The following INTS6 variants were observed in gnomAD, a reference collection of about 807,000 sequenced individuals.
The protein encoded by INTS6 is DEAD box protein.
Under a neutral mutation model 104.9 loss-of-function variants are expected in INTS6, and 16 were observed. The observed-to-expected ratio is 0.15, with a 90% CI of 0.10 to 0.23. The LOEUF (loss-of-function observed/expected upper bound fraction) is 0.23, where lower values mean the gene tolerates loss of function less well. Ranked by LOEUF, INTS6 falls within the 10% of genes least tolerant of loss-of-function variation. INTS6 has a pLI of 1.00. For missense variants in INTS6, 584 were observed against 1,062.8 expected (o/e 0.55, Z 6.26); for synonymous variants, 324 against 358.7 (o/e 0.90, Z 1.09).
At chr13:51,336,593 A>C in the INTS6 span, among the ~76,000 whole-genome samples, 1 of 152,242 alleles carries the variant, frequency 6.6e-6, no homozygotes, top group Non-Finnish European at 1.5e-5. Flanking sequence ...TTATGTGAGC[A>C]TGAAAGGACC....
chr13:51,409,632 A>C (rs1379547092), intron 4 of INTS6, among the ~76,000 whole-genome samples: 1 of 151,830 alleles, frequency 6.6e-6, no homozygotes, highest in Admixed American at 6.6e-5. Context: ...CTAATTCATC[A>C]TAGGTAGTAT....
intron 3 of INTS6, among the ~76,000 whole-genome samples, chr13:51,355,482 CCTG>C (rs1955467543): frequency 6.6e-6 from 1 of 152,140 alleles, no homozygotes; most frequent in Non-Finnish European, 1.5e-5. Flanking sequence ...ATTATGACCT[CCTG>C]CTGTCCCATC....
rs141573619 is a variant in INTS6, at chr13:51,430,386, A to G, written c.340-3T>C. On this transcript the variant is annotated splice_polypyrimidine_tract_variant and splice_region_variant and intron_variant, in intron 3 of 17. Coordinates refer to ENST00000311234, the MANE Select transcript of INTS6 (RefSeq NM_012141.3). Reference sequence around the variant, plus strand: ...TCCAAGAAAAAAGGGTTTCTTCCCTAAAGTCAAAAAACACATTGATCATAC... The same window carrying G: ...TCCAAGAAAAAAGGGTTTCTTCCCTGAAGTCAAAAAACACATTGATCATAC... 1.7e-4 allele frequency: 275 copies of G among 1,605,270 alleles called. 3 individuals are homozygous for G. The East Asian group carries it at 5.0e-3, about 29-fold the overall frequency.
chr13:51,421,762 A>C (rs1168817916), intron 4 of INTS6, among the ~76,000 whole-genome samples: 6 of 152,154 alleles, frequency 3.9e-5, no homozygotes, highest in Non-Finnish European at 1.5e-5. Context: ...TGAAACACCC[A>C]AATAGGCTAA....
the INTS6 span, among the ~76,000 whole-genome samples, chr13:51,343,305 C>T: frequency 1.3e-5 from 2 of 152,212 alleles, no homozygotes; most frequent in South Asian, 4.1e-4. Context: ...AAGGGGGCTT[C>T]ACTTCTGGAA....
intron 4 of INTS6, among the ~76,000 whole-genome samples, chr13:51,414,717 G>A (rs1025565771): frequency 9.9e-5 from 15 of 151,914 alleles, no homozygotes; most frequent in South Asian, 6.2e-4. Flanking sequence ...TAATACAGCC[G>A]CAGGTCCTAT....
At position 51,430,089 on chromosome 13, in the gene INTS6, A is replaced by G. The variant is rs1159024149; in HGVS notation, c.429+205T>C. 1.1e-5 allele frequency: 5 copies of G among 456,674 alleles called. No homozygotes were observed. The East Asian group carries it at 1.7e-4, about 16-fold the overall frequency. 28.3% of individuals were successfully genotyped at this position (456,674 alleles called of 1,614,324 possible). A position where few individuals can be genotyped will look rare whatever the true frequency, so the allele number is the denominator to read the frequency against. On this transcript the variant is annotated intron_variant, in intron 4 of 17. Coordinates refer to ENST00000311234, the MANE Select transcript of INTS6 (RefSeq NM_012141.3). The stretch of plus-strand genomic sequence containing the variant: ...TTACACATACAAATGAGGTGTGGGT[A>G]TGCTCAAACATTTCTCACAGAAGAG...
the INTS6 span, among the ~76,000 whole-genome samples, chr13:51,342,105 G>A: frequency 7.1e-6 from 1 of 140,956 alleles, no homozygotes; most frequent in Admixed American, 7.8e-5. Context: ...ACCAACTCCA[G>A]CTAAAACAGA....
chr13:51,344,301 C>G, the INTS6 span: 1 of 1,613,988 alleles, frequency 6.2e-7, no homozygotes, highest in Non-Finnish European at 8.5e-7. Context: ...CACTACCCAC[C>G]TCCAGCCAAG....
chr13:51,406,900 T>A (rs992691755), intron 4 of INTS6, among the ~76,000 whole-genome samples: 317 of 117,466 alleles, frequency 2.7e-3, no homozygotes, highest in African/African-American at 0.011. Flanking sequence ...TTTTTTGTGA[T>A]TTTTTTTTTT....
At chr13:51,414,833 T>TACACACACACACACACAC (rs151197136) in intron 4 of INTS6, among the ~76,000 whole-genome samples, 5 of 143,046 alleles carry the variant, frequency 3.5e-5, no homozygotes, top group African/African-American at 1.0e-4. Flanking sequence ...AGTTCTTCTA[T>TACACACACACACACACAC]ACACACACAC....
chr13:51,452,928 G>A lies in INTS6; in HGVS notation c.-403C>T, dbSNP rs1953097740. 6.5e-6 allele frequency: 7 copies of A among 1,074,268 alleles called. No homozygotes were observed. Among genetic ancestry groups the A allele is most frequent in the Non-Finnish European group, 1.1e-6 (1 of 883,752 alleles). 66.5% of individuals were successfully genotyped at this position (1,074,268 alleles called of 1,614,324 possible). A position where few individuals can be genotyped will look rare whatever the true frequency, so the allele number is the denominator to read the frequency against. ...GGGGACCTGGGAGCTGGCGAAGAGGGGAGTGGGCTGAGGGAAGATTGGCCC... is the reference window on the plus strand; with the variant it reads ...GGGGACCTGGGAGCTGGCGAAGAGGAGAGTGGGCTGAGGGAAGATTGGCCC... On this transcript the variant is annotated 5_prime_UTR_variant, in exon 1 of 18. Coordinates refer to ENST00000311234, the MANE Select transcript of INTS6 (RefSeq NM_012141.3). This position sits in a 1 kb window ranked among gnomAD's most constrained non-coding sequence, Gnocchi z 4.2.
intron 15 of INTS6, among the ~76,000 whole-genome samples, chr13:51,370,436 C>T (rs1418109723): frequency 6.6e-6 from 1 of 152,208 alleles, no homozygotes; most frequent in East Asian, 1.9e-4. Flanking sequence ...CCACTGTTGT[C>T]TCTGGCACCC....
At chr13:51,348,158 G>T in the INTS6 span, 1 of 1,395,310 alleles carries the variant, frequency 7.2e-7, no homozygotes. Flanking sequence ...TCCGACACTG[G>T]TTCATTCTCC....
In INTS6 at chr13:51,376,080, C is replaced by T. The variant is rs1214872325; in HGVS notation, c.1697G>A (p.Ser566Asn). The change falls in exon 13 of 18, where the codon AGC becomes AAC. Residue 566 changes from serine to asparagine, a missense_variant. Around this residue, in one of 5 missense-constraint regions of INTS6, gnomAD observed 296 missense variants for 437.0 expected, o/e 0.68. Transcript: ENST00000311234. ...CTGTCCTTTCAGAAATCTGCGAGTG[C>T]TCTTCAAAAGATTAGATCTCATTCT... ...LTRMRSNLLKSTRRFLKGQDE... is the reference protein window; with the variant it reads ...LTRMRSNLLKNTRRFLKGQDE... 3 of 1,611,056 alleles carry T rather than the reference C, an allele frequency of 1.9e-6. No individual in the cohort carries two copies. Among genetic ancestry groups the T allele is most frequent in the African/African-American group, 2.7e-5 (2 of 74,958 alleles).
chr13:51,450,006 C>G, intron 3 of INTS6: 10 of 985,258 alleles, frequency 1.0e-5, no homozygotes, highest in Non-Finnish European at 1.2e-5. Context: ...TTAAAATTTC[C>G]TAAAACAGAA....
chr13:51,447,992 AGGCTG>A (rs1049881996), intron 3 of INTS6: 9 of 152,198 alleles, frequency 5.9e-5, no homozygotes, highest in African/African-American at 1.9e-4. Context: ...CAGGAGGAGG[AGGCTG>A]CGGTGAGCCG....
intron 4 of INTS6, among the ~76,000 whole-genome samples, chr13:51,407,385 T>TAATACACTCAAGTGGTATGCTTTA (rs1170914438): frequency 1.3e-5 from 2 of 152,172 alleles, no homozygotes; most frequent in East Asian, 3.8e-4. Flanking sequence ...AACAGTAGAG[T>TAATACACTCAAGTGGTATGCTTTA]AATACACTCA....
At chr13:51,394,670 C>T (rs547442829) in intron 5 of INTS6, among the ~76,000 whole-genome samples, 2 of 152,204 alleles carry the variant, frequency 1.3e-5, no homozygotes, top group South Asian at 4.1e-4. Flanking sequence ...TACTGAATGC[C>T]AAAAGCATGG....
Sources: gnomAD v4.1 joint callset for allele counts (sites outside exome capture counted in the v4.1 genomes callset) on GRCh38, gnomAD v4.1.1 for gene constraint, gnomAD v4.1.1 regional missense constraint, Gnocchi (gnomAD v3.1) non-coding constraint, MANE v1.5 for transcripts, NCBI Gene and HGNC (gene_info 2026-07-23, HGNC 2026-07-21) for gene names.